The following STAG1 variants were observed in gnomAD, a reference collection of about 807,000 sequenced individuals.
STAG1 encodes the protein STAG1 cohesin complex component.
A neutral mutation model predicts 170.9 loss-of-function variants in STAG1; 26 were observed. The observed-to-expected ratio is 0.15, with a 90% CI of 0.11 to 0.21. The LOEUF (loss-of-function observed/expected upper bound fraction) is 0.21, where lower values mean the gene tolerates loss of function less well. Ranked by LOEUF, STAG1 falls within the 10% of genes least tolerant of loss-of-function variation. The pLI is 1.00. For missense variants in STAG1, 964 were observed against 1,509.5 expected (o/e 0.64, Z 5.99); for synonymous variants, 514 against 497.7 (o/e 1.03, Z -0.44).
In STAG1 at chr3:136,377,572, A is replaced by G. The variant is rs1937674333; in HGVS notation, c.2370+88T>C. ...AATGTTAGGAATGAACATGTGTACA[A>G]AAACTGCCATAAAAAATTGTATCTT... On this transcript the variant is annotated intron_variant, in intron 23 of 33. Coordinates refer to ENST00000383202, the MANE Select transcript of STAG1 (RefSeq NM_005862.3). 2.8e-6 allele frequency: 3 copies of G among 1,066,422 alleles called. No homozygotes were observed. The East Asian group carries it at 7.4e-5, about 26-fold the overall frequency. 66.1% of individuals were successfully genotyped at this position (1,066,422 alleles called of 1,614,324 possible).
Position 136,340,675 on chromosome 3 carries a change from ATTAAAG to A in STAG1, c.3558-76_3558-71del. 6 of 995,558 alleles carry A rather than the reference ATTAAAG, an allele frequency of 6.0e-6. No individual in the cohort carries two copies. The Admixed American group carries it at 1.0e-4, about 17-fold the overall frequency. 61.7% of individuals were successfully genotyped at this position (995,558 alleles called of 1,614,324 possible). The stretch of plus-strand genomic sequence containing the variant: ...ATTTGGAGTCCTGGCTGTTTCTCAG[ATTAAAG>A]TTATTCTAACCAAGTGAAGTATACC... On this transcript the variant is annotated intron_variant, in intron 31 of 33. Coordinates refer to ENST00000383202, the MANE Select transcript of STAG1 (RefSeq NM_005862.3).
chr3:136,642,267 T>TC (rs1940832722), intron 1 of STAG1, among the ~76,000 whole-genome samples: 1 of 55,214 alleles, frequency 1.8e-5, no homozygotes, highest in African/African-American at 1.3e-4. Flanking sequence ...AGAATTTCTT[T>TC]TTTTTTTTTT....
At chr3:136,416,223 G>T (rs1159853582) in intron 21 of STAG1, among the ~76,000 whole-genome samples, 2 of 152,112 alleles carry the variant, frequency 1.3e-5, no homozygotes, top group Non-Finnish European at 2.9e-5. Flanking sequence ...GGCCAGGTTG[G>T]TCTCAAACTC....
At chr3:136,602,712 G>A (rs554235421) in intron 4 of STAG1, among the ~76,000 whole-genome samples, 1 of 151,840 alleles carries the variant, frequency 6.6e-6, no homozygotes, top group South Asian at 2.1e-4. Context: ...TTAGCTGGGC[G>A]TGCTGGCACA....
chr3:136,457,237 T>A (rs2089139611), intron 13 of STAG1, among the ~76,000 whole-genome samples: 1 of 152,078 alleles, frequency 6.6e-6, no homozygotes, highest in African/African-American at 2.4e-5. Context: ...TTGGATGGAA[T>A]CCAAGGCTCA....
At chr3:136,394,000 C>T in intron 22 of STAG1, among the ~76,000 whole-genome samples, 1 of 152,192 alleles carries the variant, frequency 6.6e-6, no homozygotes, top group Admixed American at 6.5e-5. Flanking sequence ...CTCCTGGGTT[C>T]AATCGATTCT....
chr3:136,449,516 C>T (rs112398370), intron 14 of STAG1, among the ~76,000 whole-genome samples: 1,745 of 150,224 alleles, frequency 0.012, 24 homozygotes, highest in African/African-American at 0.041. Flanking sequence ...GCTGAGATCA[C>T]GCCACTGCAC....
intron 13 of STAG1, among the ~76,000 whole-genome samples, chr3:136,454,214 G>T (rs2089035762): frequency 6.6e-6 from 1 of 152,050 alleles, no homozygotes; most frequent in Non-Finnish European, 1.5e-5. Flanking sequence ...AAGTTGCTGG[G>T]ATTACAGGTG....
intron 1 of STAG1, among the ~76,000 whole-genome samples, chr3:136,682,491 G>T (rs1942371130): frequency 6.7e-6 from 1 of 148,222 alleles, no homozygotes; most frequent in East Asian, 2.0e-4. Flanking sequence ...GTGAGAAAGA[G>T]AACTAAATAT....
intron 3 of STAG1, among the ~76,000 whole-genome samples, chr3:136,617,129 A>C (rs1939638633): frequency 6.6e-6 from 1 of 152,204 alleles, no homozygotes; most frequent in African/African-American, 2.4e-5. Context: ...AATAGTTAAG[A>C]ATTTTTAACA....
chr3:136,339,526 TA>T (rs1435467218), intron 32 of STAG1, among the ~76,000 whole-genome samples: 2 of 152,224 alleles, frequency 1.3e-5, no homozygotes. Flanking sequence ...CATCTCTAAA[TA>T]AATAAATAAA....
Position 136,337,983 on chromosome 3 carries a change from A to T in STAG1, c.*271T>A. 5.7e-6 allele frequency: 2 copies of T among 351,872 alleles called. No individual in the cohort carries two copies. Among genetic ancestry groups the T allele is most frequent in the Admixed American group, 9.1e-5 (2 of 21,866 alleles). The allele number at this position is 351,872 out of a possible 1,614,324, so 21.8% of individuals were successfully genotyped here. A position where few individuals can be genotyped will look rare whatever the true frequency, so the allele number is the denominator to read the frequency against. On this transcript the variant is annotated 3_prime_UTR_variant, in exon 34 of 34. Coordinates refer to ENST00000383202, the MANE Select transcript of STAG1 (RefSeq NM_005862.3). ...AAATTTAAAATTTCTTCCTCCCTCC[A>T]GAAAAACACACACATCTGTATTGGG... is the stretch of plus-strand genomic sequence containing the variant.
intron 14 of STAG1, among the ~76,000 whole-genome samples, chr3:136,451,521 T>C (rs974408578): frequency 1.3e-5 from 2 of 152,254 alleles, no homozygotes; most frequent in East Asian, 1.9e-4. Context: ...CCCAGCACTT[T>C]GGGAGGCCAA....
rs1389555862 is a variant in STAG1, at chr3:136,498,231, T to TAC, written c.902+1991_902+1992insGT. 2.1e-4 allele frequency among the ~76,000 whole-genome samples: 12 copies of TAC among 57,848 alleles called. 1 individual carries two copies. The highest frequency in any genetic ancestry group is 1.2e-3 in the East Asian group (2 of 1,610). 38.0% of individuals were successfully genotyped at this position (57,848 alleles called of 152,430 possible). On this transcript the variant is annotated intron_variant, in intron 9 of 33. Coordinates refer to ENST00000383202, the MANE Select transcript of STAG1 (RefSeq NM_005862.3). The stretch of plus-strand genomic sequence containing the variant: ...AAAATTATATATATATATATATATA[T>TAC]ATACACATACATATACATACACACA...
intron 13 of STAG1, among the ~76,000 whole-genome samples, chr3:136,462,504 G>A (rs1332066122): frequency 6.6e-6 from 1 of 152,082 alleles, no homozygotes; most frequent in Non-Finnish European, 1.5e-5. Context: ...TCTCCTGGAG[G>A]GGCAGTAGAA....
At chr3:136,356,279 G>A (rs1388491678) in intron 28 of STAG1, among the ~76,000 whole-genome samples, 2 of 152,178 alleles carry the variant, frequency 1.3e-5, no homozygotes, top group African/African-American at 4.8e-5. Context: ...AATATTTTCT[G>A]ATCAACATGA....
In STAG1 at chr3:136,500,254, T is replaced by C. The variant is rs749700430; in HGVS notation, c.871A>G (p.Ile291Val). 2 of 1,587,592 alleles carry C rather than the reference T, an allele frequency of 1.3e-6. No individual in the cohort carries two copies. The highest frequency in any genetic ancestry group is 2.3e-5 in the South Asian group (2 of 88,354). ...CTATGAACAAATATACCCTTAAAAA[T>C]AGAGTTCATCATATTTTCGATTTCA... ...QDEIENMMNS[I>V]FKGIFVHRYR... Residue 291 changes from isoleucine (I) to valine (V), a missense_variant, in exon 9 of 34, where the codon ATT becomes GTT. By Grantham distance (29) the Ile-to-Val change is conservative (BLOSUM62 3). Coordinates refer to ENST00000383202, the MANE Select transcript of STAG1 (RefSeq NM_005862.3).
At chr3:136,381,024 GAAAAAAAAAAAAGAAA>G (rs1268394940) in intron 22 of STAG1, among the ~76,000 whole-genome samples, 7 of 73,176 alleles carry the variant, frequency 9.6e-5, no homozygotes, top group South Asian at 3.9e-4. Flanking sequence ...ACCCTGTCTC[GAAAAAAAAAAAAGAAA>G]AAAAAAAAAA....
At chr3:136,508,496 T>G (rs931891715) in intron 7 of STAG1, among the ~76,000 whole-genome samples, 1 of 152,108 alleles carries the variant, frequency 6.6e-6, no homozygotes, top group Non-Finnish European at 1.5e-5. Flanking sequence ...AAGACCAGCC[T>G]GGGTAACATA....
Sources: allele counts gnomAD v4.1 joint callset (sites outside exome capture counted in the v4.1 genomes callset), GRCh38; gene constraint gnomAD v4.1.1; transcripts MANE v1.5; gene names NCBI Gene and HGNC (gene_info 2026-07-23, HGNC 2026-07-21).